Variants in BBOF1 observed in about 807,000 individuals in gnomAD.
The protein encoded by BBOF1 is basal body orientation factor 1, also known as basal body-orientation factor 1.
In BBOF1, 62 loss-of-function variants were observed where a neutral mutation model predicts 68.0. That is an observed-to-expected ratio of 0.91 (90% CI 0.74 to 1.13). The LOEUF (loss-of-function observed/expected upper bound fraction) is 1.13, where lower values mean the gene tolerates loss of function less well. Ranked by LOEUF, BBOF1 falls within the 50% of genes most tolerant of loss-of-function variation. BBOF1 has a pLI of 0.00. For missense variants in BBOF1, 534 were observed against 600.1 expected, an observed-to-expected ratio of 0.89 and a Z score of 1.15; for synonymous variants, 208 against 198.8, an observed-to-expected ratio of 1.05 and a Z score of -0.39.
Position 74,057,206 on chromosome 14 carries a change from C to G in BBOF1, c.1526C>G (p.Ser509Cys). 2 of 1,614,066 alleles carry G rather than the reference C, an allele frequency of 1.2e-6. No homozygotes were observed. Among genetic ancestry groups the G allele is most frequent in the South Asian group, 2.2e-5 (2 of 91,076 alleles). Residue 509 changes from serine to cysteine, a missense_variant, in exon 11 of 12, where the codon TCT becomes TGT. Transcript: ENST00000394009. Reference protein sequence around the residue: ...ITQQIAISDSSGEVVLPTIPK... With the variant: ...ITQQIAISDSCGEVVLPTIPK... Reference sequence around the variant, plus strand: ...CAGCAAATTGCAATATCAGACTCTTCTGGTGAAGTGGTGCTACCCACTATT... The same window carrying G: ...CAGCAAATTGCAATATCAGACTCTTGTGGTGAAGTGGTGCTACCCACTATT...
chr14:74,071,686 G>A, intron 9 of BBOF1: 1 of 1,499,578 alleles, frequency 6.7e-7, no homozygotes, highest in Non-Finnish European at 9.0e-7. Context: ...ACAGCGATAT[G>A]TATATACCCA....
chr14:74,066,761 C>CT (rs1418371130), downstream of BBOF1: 1 of 1,614,080 alleles, frequency 6.2e-7, no homozygotes, highest in East Asian at 2.2e-5. Flanking sequence ...TAGCCTTTCA[C>CT]TTTAATTTTT....
intron 2 of BBOF1, among the ~76,000 whole-genome samples, chr14:74,028,787 C>T (rs1402456171): frequency 1.3e-5 from 2 of 152,034 alleles, no homozygotes; most frequent in South Asian, 4.2e-4. Flanking sequence ...CGGCTCACTG[C>T]AACCTCTGCC....
At position 74,064,748 on chromosome 14, in the gene BBOF1, C is replaced by A. The variant is rs760728065; in HGVS notation, c.*49C>A. 21 of 1,611,834 alleles carry A rather than the reference C, an allele frequency of 1.3e-5. No individual in the cohort carries two copies. Among genetic ancestry groups the A allele is most frequent in the Non-Finnish European group, 1.7e-5 (20 of 1,178,034 alleles). On this transcript the variant is annotated 3_prime_UTR_variant, in exon 12 of 12. Coordinates refer to ENST00000394009, the MANE Select transcript of BBOF1 (RefSeq NM_025057.3). ...GATGCTGCTGGCAGTCCCTTCCTTGCAGAATCCTTGCTCCTGAATATCTTT... is the reference window on the plus strand; with the variant it reads ...GATGCTGCTGGCAGTCCCTTCCTTGAAGAATCCTTGCTCCTGAATATCTTT...
chr14:74,031,842 T>C (rs983199105), intron 3 of BBOF1: 1 of 152,194 alleles, frequency 6.6e-6, no homozygotes, highest in Admixed American at 6.5e-5. Flanking sequence ...TAGCAGTCCC[T>C]TTTTGATGGA....
intron 9 of BBOF1, chr14:74,071,309 A>G: frequency 6.2e-7 from 1 of 1,614,184 alleles, no homozygotes. Flanking sequence ...TTCATTAGGA[A>G]GGTATTTCCA....
chr14:74,068,748 G>T (rs1595120964), downstream of BBOF1: 2 of 1,325,884 alleles, frequency 1.5e-6, no homozygotes, highest in East Asian at 4.9e-5. Flanking sequence ...TCAAAAAAAA[G>T]AAAGAAACAC....
At chr14:74,080,371 T>TC (rs1457978117) in intron 10 of BBOF1, among the ~76,000 whole-genome samples, 3 of 148,666 alleles carry the variant, frequency 2.0e-5, no homozygotes, top group Non-Finnish European at 3.0e-5. Flanking sequence ...ACTCTTTCTT[T>TC]TTTTTTTTTT....
chr14:74,055,446 G>T, intron 8 of BBOF1, 138 bp from the exon 9 acceptor site: 1 of 638,988 alleles, frequency 1.6e-6, no homozygotes, highest in South Asian at 2.0e-5. Context: ...ACCGCGCCTG[G>T]CCTGTAGTTG....
In BBOF1 at chr14:74,065,209, T is replaced by A; in HGVS notation, c.*510T>A. 1 of 1,614,188 alleles carries A rather than the reference T, an allele frequency of 6.2e-7. No homozygotes were observed. The highest frequency in any genetic ancestry group is 8.5e-7 in the Non-Finnish European group (1 of 1,180,030). On this transcript the variant is annotated 3_prime_UTR_variant, in exon 12 of 12. Transcript: ENST00000394009. ...TCCAACATCCACCAAGTGGGCATATTTCCGAGCAGTGGCTCCATTGGTGGT... is the reference window on the plus strand; with the variant it reads ...TCCAACATCCACCAAGTGGGCATATATCCGAGCAGTGGCTCCATTGGTGGT...
intron 8 of BBOF1, among the ~76,000 whole-genome samples, chr14:74,054,097 T>C (rs2060129027): frequency 6.6e-6 from 1 of 151,874 alleles, no homozygotes; most frequent in South Asian, 2.1e-4. Flanking sequence ...AGGGTAGTCT[T>C]GATCTCCTGA....
chr14:74,033,360 G>C (rs892113699), intron 3 of BBOF1, among the ~76,000 whole-genome samples: 1 of 151,990 alleles, frequency 6.6e-6, no homozygotes, highest in Non-Finnish European at 1.5e-5. Flanking sequence ...CTGAGGTCAG[G>C]AGTTCAAGAC....
At chr14:74,077,528 G>A (rs1425944014) in intron 9 of BBOF1, among the ~76,000 whole-genome samples, 1 of 152,152 alleles carries the variant, frequency 6.6e-6, no homozygotes, top group East Asian at 1.9e-4. Context: ...AGGGGAAGCA[G>A]ACCTGTGTGA....
At chr14:74,068,130 A>T (rs1306280789), downstream of BBOF1, among the ~76,000 whole-genome samples, 2 of 152,038 alleles carry the variant, frequency 1.3e-5, no homozygotes, top group Non-Finnish European at 2.9e-5. Context: ...CATGCCTGTA[A>T]TCCCAGCACT....
chr14:74,048,682 C>T (rs1255423322), intron 7 of BBOF1: 1 of 152,096 alleles, frequency 6.6e-6, no homozygotes, highest in African/African-American at 2.4e-5. Context: ...TTTCTATTTA[C>T]ATATCATTGA....
intron 9 of BBOF1, among the ~76,000 whole-genome samples, chr14:74,073,382 G>C (rs1386286820): frequency 6.6e-6 from 1 of 152,072 alleles, no homozygotes; most frequent in Non-Finnish European, 1.5e-5. Flanking sequence ...TGGGATTACA[G>C]GCGTGAGTCA....
At chr14:74,060,564 A>G (rs2060316577) in intron 11 of BBOF1, 1 of 1,069,552 alleles carries the variant, frequency 9.3e-7, no homozygotes, top group African/African-American at 1.6e-5. Flanking sequence ...ATCTGATCTG[A>G]GCAAAGCTGA....
At position 74,052,860 on chromosome 14, in the gene BBOF1, C is replaced by T. The variant is rs139180169; in HGVS notation, c.1286+2665C>T. Among the ~76,000 whole-genome samples the T allele has an allele frequency of 5.3e-3, 807 of 151,154 alleles. 4 individuals carry two copies. The highest frequency in any genetic ancestry group is 0.019 in the African/African-American group (773 of 41,228). On this transcript the variant is annotated intron_variant, in intron 8 of 11. Coordinates refer to ENST00000394009, the MANE Select transcript of BBOF1 (RefSeq NM_025057.3). ...AAAAACAAAACAAAAAGTAGCCTGGCATGATGGTGTGCATCTGTAGTCCCA... is the reference window on the plus strand; with the variant it reads ...AAAAACAAAACAAAAAGTAGCCTGGTATGATGGTGTGCATCTGTAGTCCCA...
Position 74,019,372 on chromosome 14 carries a change from G to A in BBOF1, c.-107G>A. 1 of 1,381,602 alleles carries A rather than the reference G, an allele frequency of 7.2e-7. No individual in the cohort carries two copies. Among genetic ancestry groups the A allele is most frequent in the Non-Finnish European group, 9.5e-7 (1 of 1,058,044 alleles). The allele number at this position is 1,381,602 out of a possible 1,614,324, so 85.6% of individuals were successfully genotyped here. On this transcript the variant is annotated 5_prime_UTR_variant, in exon 1 of 12. Coordinates refer to ENST00000394009, the MANE Select transcript of BBOF1 (RefSeq NM_025057.3). ...GCGCTCTCCGCGCGCCGTCAGCGGC[G>A]CGGGTGGGGCATTGCCAGCTCGGCG...
Sources: gnomAD v4.1 joint callset for allele counts (sites outside exome capture counted in the v4.1 genomes callset) on GRCh38, gnomAD v4.1.1 for gene constraint, MANE v1.5 for transcripts, NCBI Gene and HGNC (gene_info 2026-07-23, HGNC 2026-07-21) for gene names.